Variants in BABAM2 observed in about 807,000 individuals in gnomAD.
BABAM2 encodes BRISC and BRCA1-A complex member 2.
In BABAM2, 31 loss-of-function variants were observed where a neutral mutation model predicts 54.7. The observed-to-expected ratio is 0.57, with a 90% CI of 0.43 to 0.77. The LOEUF is 0.77. Among genes scored for constraint, BABAM2 ranks in the 30% least tolerant of loss-of-function variants. The pLI, the probability that BABAM2 is intolerant of heterozygous loss-of-function variation, is 0.00. For synonymous variants in BABAM2, 167 were observed against 162.9 expected (o/e 1.03, Z -0.19); for missense variants, 364 against 455.8 (o/e 0.80, Z 1.83).
chr2:27,968,158 G>A (rs541608167), intron 3 of BABAM2, among the ~76,000 whole-genome samples: 73 of 152,196 alleles, frequency 4.8e-4, no homozygotes, highest in Non-Finnish European at 8.5e-4. Context: ...CCCATTACAG[G>A]CCCAGAGGCC....
At chr2:28,180,378 T>C (rs538062137) in intron 7 of BABAM2, among the ~76,000 whole-genome samples, 53 of 152,106 alleles carry the variant, frequency 3.5e-4, no homozygotes, top group African/African-American at 1.2e-3. Flanking sequence ...GGACATTCTC[T>C]TCAATAAATA....
intron 7 of BABAM2, among the ~76,000 whole-genome samples, chr2:28,193,593 G>A (rs1677178723): frequency 6.6e-6 from 1 of 152,132 alleles, no homozygotes. Context: ...TATTTCTGTT[G>A]TTCTCCTGCT....
At chr2:28,148,762 GA>G (rs1573686168) in intron 7 of BABAM2, among the ~76,000 whole-genome samples, 1 of 152,174 alleles carries the variant, frequency 6.6e-6, no homozygotes, top group Admixed American at 6.5e-5. Flanking sequence ...TCGTTACCTG[GA>G]ACAGCACTAA....
At chr2:28,117,582 C>T (rs957861632) in intron 6 of BABAM2, among the ~76,000 whole-genome samples, 1 of 152,194 alleles carries the variant, frequency 6.6e-6, no homozygotes, top group African/African-American at 2.4e-5. Flanking sequence ...CTTCTCCCAG[C>T]AGGTTGGCTT....
intron 6 of BABAM2, among the ~76,000 whole-genome samples, chr2:28,110,581 G>A (rs922849243): frequency 6.6e-6 from 1 of 151,586 alleles, no homozygotes; most frequent in Non-Finnish European, 1.5e-5. Flanking sequence ...CCGAGATTGC[G>A]CCATTGCACT....
chr2:28,003,211 G>A (rs569904202), intron 4 of BABAM2, among the ~76,000 whole-genome samples: 19 of 152,294 alleles, frequency 1.2e-4, no homozygotes, highest in African/African-American at 4.1e-4. Context: ...AGATAATTTA[G>A]TGTTGACCAT....
intron 11 of BABAM2, chr2:28,309,214 G>A (rs1297028363): frequency 6.6e-6 from 1 of 152,202 alleles, no homozygotes; most frequent in East Asian, 1.9e-4. Context: ...GTCAACTGGA[G>A]ACCACCCTCA....
intron 10 of BABAM2, among the ~76,000 whole-genome samples, chr2:28,297,734 CA>C (rs1246193798): frequency 1.3e-5 from 2 of 152,146 alleles, no homozygotes; most frequent in East Asian, 3.8e-4. Flanking sequence ...TGCTGAGTAT[CA>C]AAATTCACTG....
intron 11 of BABAM2, among the ~76,000 whole-genome samples, chr2:28,334,036 A>C (rs1400379067): frequency 1.3e-5 from 2 of 152,144 alleles, no homozygotes; most frequent in Non-Finnish European, 2.9e-5. Flanking sequence ...CCGTTAACTA[A>C]CTTAATGAGG....
intron 6 of BABAM2, among the ~76,000 whole-genome samples, chr2:28,052,584 G>A (rs530539192): frequency 2.0e-5 from 3 of 152,050 alleles, no homozygotes; most frequent in South Asian, 2.1e-4. Flanking sequence ...CACCACACCC[G>A]GCCGTAATCA....
At chr2:28,057,945 C>T (rs1029306647) in intron 6 of BABAM2, among the ~76,000 whole-genome samples, 7 of 151,940 alleles carry the variant, frequency 4.6e-5, no homozygotes, top group African/African-American at 1.7e-4. Flanking sequence ...AGATCGAGAC[C>T]ATCCTGGCTA....
chr2:28,138,856 A>C (rs1347218861), intron 7 of BABAM2, among the ~76,000 whole-genome samples: 1 of 152,142 alleles, frequency 6.6e-6, no homozygotes, highest in Non-Finnish European at 1.5e-5. Flanking sequence ...GCCTGTTTCA[A>C]GCCTCTAAGT....
intron 10 of BABAM2, among the ~76,000 whole-genome samples, chr2:28,256,453 A>C (rs1165070161): frequency 6.6e-6 from 1 of 152,178 alleles, no homozygotes; most frequent in African/African-American, 2.4e-5. Context: ...AAAATGCGTA[A>C]AGATACACAT....
intron 10 of BABAM2, among the ~76,000 whole-genome samples, chr2:28,273,365 C>G (rs774507450): frequency 6.6e-6 from 1 of 152,176 alleles, no homozygotes; most frequent in Non-Finnish European, 1.5e-5. Flanking sequence ...TCTCCCTGTT[C>G]CACTGTTCAA....
At chr2:27,968,207 C>T (rs1482635587) in intron 3 of BABAM2, among the ~76,000 whole-genome samples, 1 of 152,192 alleles carries the variant, frequency 6.6e-6, no homozygotes, top group African/African-American at 2.4e-5. Flanking sequence ...GGCCCAGGGT[C>T]CCTGTGCTGT....
chr2:28,236,514 C>A (rs1437093301), intron 7 of BABAM2, among the ~76,000 whole-genome samples: 1 of 151,956 alleles, frequency 6.6e-6, no homozygotes, highest in East Asian at 1.9e-4. Context: ...CAGGTGCCCA[C>A]CACCACACAC....
intron 2 of BABAM2, among the ~76,000 whole-genome samples, chr2:27,900,855 A>C (rs1665735229): frequency 6.6e-6 from 1 of 152,136 alleles, no homozygotes; most frequent in Non-Finnish European, 1.5e-5. Context: ...CATCCTGGCT[A>C]ACACGGTGAA....
At chr2:28,250,847 C>T (rs1278588474) in intron 10 of BABAM2, among the ~76,000 whole-genome samples, 3 of 152,286 alleles carry the variant, frequency 2.0e-5, no homozygotes, top group African/African-American at 7.2e-5. Context: ...GATCTACCCG[C>T]CATGGCTTCC....
chr2:27,966,641 C>T (rs1670865088), intron 3 of BABAM2, among the ~76,000 whole-genome samples: 2 of 152,138 alleles, frequency 1.3e-5, no homozygotes, highest in South Asian at 4.1e-4. Flanking sequence ...TCTTTGTCCC[C>T]TCACCCCTCA....
Sources: gnomAD v4.1 joint callset for allele counts (sites outside exome capture counted in the v4.1 genomes callset) on GRCh38, gnomAD v4.1.1 for gene constraint, MANE v1.5 for transcripts, NCBI Gene and HGNC (gene_info 2026-07-23, HGNC 2026-07-21) for gene names.